Variants in BRIP1 observed in about 807,000 individuals in gnomAD.
BRIP1 encodes Fanconi anemia group J protein.
BRIP1 carries 88 observed loss-of-function variants against 119.7 expected under a neutral mutation model. The ratio of observed to expected loss-of-function variants is 0.74; its 90% CI spans 0.62 to 0.88. The LOEUF (loss-of-function observed/expected upper bound fraction) is 0.88. BRIP1 is among the 40% of genes least tolerant of loss of function. BRIP1 has a pLI of 0.00. For missense variants in BRIP1, 1,259 were observed against 1,455.4 expected (o/e 0.87, Z 2.20); for synonymous variants, 443 against 496.5 (o/e 0.89, Z 1.43).
intron 17 of BRIP1, among the ~76,000 whole-genome samples, chr17:61,702,946 T>C (rs893389155): frequency 1.8e-4 from 28 of 151,842 alleles, no homozygotes; most frequent in Non-Finnish European, 3.4e-4. Flanking sequence ...TGGTCCTTTT[T>C]CTCTGTAACC....
At position 61,827,177 on chromosome 17, in the gene BRIP1, A is replaced by T. The variant is rs2078422227; in HGVS notation, c.628-18420T>A. ...TAGCAAACTAATGCAGGAACAGAAA[A>T]CCAAATACTGCATGTTCTCACTTAT... On this transcript the variant is annotated intron_variant, in intron 6 of 19. Coordinates refer to ENST00000259008, the MANE Select transcript of BRIP1 (RefSeq NM_032043.3). The surrounding 1 kb of genome is among the most constrained non-coding windows in gnomAD (Gnocchi z 5.8). 6.6e-6 allele frequency among the ~76,000 whole-genome samples: 1 copy of T among 152,192 alleles called. No homozygotes were observed. Among genetic ancestry groups the T allele is most frequent in the Non-Finnish European group, 1.5e-5 (1 of 68,028 alleles).
At position 61,852,277 on chromosome 17, in the gene BRIP1, C is replaced by T. The variant is rs1444849521; in HGVS notation, c.380-3021G>A. ...GCAAGGGAGTTTGAAGGAAGTTCAT[C>T]AAAGGGGTAAAATCTTTAAGATACA... On this transcript the variant is annotated intron_variant, in intron 4 of 19. Transcript: ENST00000259008. The surrounding 1 kb of genome is among the most constrained non-coding windows in gnomAD (Gnocchi z 4.9). Among the ~76,000 whole-genome samples, 1 of 152,116 alleles carries T rather than the reference C, an allele frequency of 6.6e-6. No individual in the cohort carries two copies. The highest frequency in any genetic ancestry group is 1.5e-5 in the Non-Finnish European group (1 of 68,002).
At chr17:61,850,333 C>T (rs556515357) in intron 4 of BRIP1, among the ~76,000 whole-genome samples, 11 of 151,928 alleles carry the variant, frequency 7.2e-5, no homozygotes, top group South Asian at 6.2e-4. Context: ...AACTCCTGAC[C>T]TCAGGTGATC....
Position 61,758,943 on chromosome 17 carries a change from G to A in BRIP1, c.2098-14352C>T, listed in dbSNP as rs1287552749. The stretch of plus-strand genomic sequence containing the variant: ...TGATCCCTTCAACCCAGGAGTTCAA[G>A]GTTATAGTGACCTATGATCACACCC... On this transcript the variant is annotated intron_variant, in intron 14 of 19. Coordinates refer to ENST00000259008, the MANE Select transcript of BRIP1 (RefSeq NM_032043.3). This position sits in a 1 kb window ranked among gnomAD's most constrained non-coding sequence, Gnocchi z 5.3. 6.6e-6 allele frequency among the ~76,000 whole-genome samples: 1 copy of A among 151,744 alleles called. No homozygotes were observed. The highest frequency in any genetic ancestry group is 2.4e-5 in the African/African-American group (1 of 41,298).
At position 61,775,576 on chromosome 17, in the gene BRIP1, G is replaced by T. The variant is rs1322370008; in HGVS notation, c.2097+825C>A. On this transcript the variant is annotated intron_variant, in intron 14 of 19. Coordinates refer to ENST00000259008, the MANE Select transcript of BRIP1 (RefSeq NM_032043.3). This position sits in a 1 kb window ranked among gnomAD's most constrained non-coding sequence, Gnocchi z 4.4. ...GAATTATAAGTGGTTTCAATGCTTT[G>T]AATGTTAGGAGGACCAAAATATACT... Among the ~76,000 whole-genome samples the T allele has an allele frequency of 6.6e-6, 1 of 152,102 alleles. No individual in the cohort carries two copies. The highest frequency in any genetic ancestry group is 6.6e-5 in the Admixed American group (1 of 15,258).
chr17:61,707,126 G>A (rs2061701669), intron 17 of BRIP1, among the ~76,000 whole-genome samples: 1 of 151,940 alleles, frequency 6.6e-6, no homozygotes, highest in Admixed American at 6.6e-5. Context: ...TATGTTGAAG[G>A]CTTTATTTTG....
Position 61,713,590 on chromosome 17 carries a change from C to T in BRIP1, c.2492+2361G>A, listed in dbSNP as rs1313486439. Among the ~76,000 whole-genome samples the T allele has an allele frequency of 4.0e-5, 6 of 150,578 alleles. No individual in the cohort carries two copies. Among genetic ancestry groups the T allele is most frequent in the East Asian group, 3.9e-4 (2 of 5,140 alleles). On this transcript the variant is annotated intron_variant, in intron 17 of 19. Coordinates refer to ENST00000259008, the MANE Select transcript of BRIP1 (RefSeq NM_032043.3). This position sits in a 1 kb window ranked among gnomAD's most constrained non-coding sequence, Gnocchi z 4.9. The stretch of plus-strand genomic sequence containing the variant: ...AGGCTGGAGTGCAGTGGGGTGATCT[C>T]GGCTCACTGCAGCCTCCACCTCCCG...
In BRIP1 at chr17:61,776,634, A is replaced by C; in HGVS notation, c.1936-72T>G. On this transcript the variant is annotated intron_variant, in intron 13 of 19. Coordinates refer to ENST00000259008, the MANE Select transcript of BRIP1 (RefSeq NM_032043.3). The surrounding 1 kb of genome is among the most constrained non-coding windows in gnomAD (Gnocchi z 5.0). The stretch of plus-strand genomic sequence containing the variant: ...TGGAAATTAGTATTTATTTGGAAGT[A>C]TGTACATAAAAGATCAAGCAACAAG... 1 of 1,490,478 alleles carries C rather than the reference A, an allele frequency of 6.7e-7. No individual in the cohort carries two copies. Among genetic ancestry groups the C allele is most frequent in the South Asian group, 1.2e-5 (1 of 86,926 alleles). 92.3% of individuals were successfully genotyped at this position (1,490,478 alleles called of 1,614,324 possible). A position where few individuals can be genotyped will look rare whatever the true frequency, so the allele number is the denominator to read the frequency against.
rs1025160694 is a variant in BRIP1, at chr17:61,756,137, T to G, written c.2098-11546A>C. On this transcript the variant is annotated intron_variant, in intron 14 of 19. Transcript: ENST00000259008. This position sits in a 1 kb window ranked among gnomAD's most constrained non-coding sequence, Gnocchi z 4.3. ...AAAATGGCCTACAGCAAATTTTCAG[T>G]TTCAGATAACAAAATATTTAGGTCT... 1.3e-5 allele frequency among the ~76,000 whole-genome samples: 2 copies of G among 152,188 alleles called. No individual in the cohort carries two copies. Among genetic ancestry groups the G allele is most frequent in the African/African-American group, 4.8e-5 (2 of 41,448 alleles).
In BRIP1 at chr17:61,710,428, A is replaced by G. The variant is rs1303070633; in HGVS notation, c.2492+5523T>C. Among the ~76,000 whole-genome samples the G allele has an allele frequency of 3.3e-5, 5 of 152,216 alleles. 1 individual carries two copies. The highest frequency in any genetic ancestry group is 6.5e-5 in the Admixed American group (1 of 15,276). On this transcript the variant is annotated intron_variant, in intron 17 of 19. Transcript: ENST00000259008. This position sits in a 1 kb window ranked among gnomAD's most constrained non-coding sequence, Gnocchi z 5.4. ...ATTACAATACAATGAGATATGTGCT[A>G]TAATACAGATAGCAACCAAAATGCT... is the stretch of plus-strand genomic sequence containing the variant.
intron 17 of BRIP1, among the ~76,000 whole-genome samples, chr17:61,707,853 T>TA (rs2061715948): frequency 1.3e-5 from 2 of 151,978 alleles, no homozygotes; most frequent in Middle Eastern, 3.4e-3. Flanking sequence ...CTTCACATTT[T>TA]TTTTTTTTTT....
chr17:61,854,379 T>C (rs2078864264), intron 4 of BRIP1, among the ~76,000 whole-genome samples: 1 of 151,996 alleles, frequency 6.6e-6, no homozygotes. Flanking sequence ...GAATATAAAA[T>C]GGTATGACCA....
Position 61,793,566 on chromosome 17 carries a change from A to G in BRIP1, c.1473+31T>C. The G allele has an allele frequency of 6.3e-7, 1 of 1,584,830 alleles. No homozygotes were observed. On this transcript the variant is annotated intron_variant, in intron 10 of 19. Coordinates refer to ENST00000259008, the MANE Select transcript of BRIP1 (RefSeq NM_032043.3). The surrounding 1 kb of genome is among the most constrained non-coding windows in gnomAD (Gnocchi z 5.2). The stretch of plus-strand genomic sequence containing the variant: ...GACTAAATCACTTCTAATTCACTAA[A>G]TACGTTTCACAGGTAGAAAAAATAT...
In BRIP1 at chr17:61,759,063, C is replaced by G. The variant is rs1037052639; in HGVS notation, c.2098-14472G>C. Among the ~76,000 whole-genome samples the G allele has an allele frequency of 6.9e-6, 1 of 145,276 alleles. No individual in the cohort carries two copies. Among genetic ancestry groups the G allele is most frequent in the African/African-American group, 2.5e-5 (1 of 40,114 alleles). On this transcript the variant is annotated intron_variant, in intron 14 of 19. Coordinates refer to ENST00000259008, the MANE Select transcript of BRIP1 (RefSeq NM_032043.3). The surrounding 1 kb of genome is among the most constrained non-coding windows in gnomAD (Gnocchi z 4.9). ...ATAAATGGCAGTAATAACTCTTTAC[C>G]TTTCAATACCTACCTTGAATGTAAA...
chr17:61,827,664 C>G lies in BRIP1; in HGVS notation c.628-18907G>C, dbSNP rs557616026. On this transcript the variant is annotated intron_variant, in intron 6 of 19. Transcript: ENST00000259008. The surrounding 1 kb of genome is among the most constrained non-coding windows in gnomAD (Gnocchi z 5.8). ...GGACTGCTTGATCCTGGGAGGCGGA[C>G]ACTGCAGTCAGCTGAGATAGTGCCA... 6.6e-6 allele frequency among the ~76,000 whole-genome samples: 1 copy of G among 152,228 alleles called. No individual in the cohort carries two copies. Among genetic ancestry groups the G allele is most frequent in the East Asian group, 1.9e-4 (1 of 5,178 alleles).
At chr17:61,819,956 C>A (rs1460081685) in intron 6 of BRIP1, among the ~76,000 whole-genome samples, 1 of 151,502 alleles carries the variant, frequency 6.6e-6, no homozygotes, top group Non-Finnish European at 1.5e-5. Flanking sequence ...ATGATTATTA[C>A]ACATTGCATG....
Position 61,751,931 on chromosome 17 carries a change from A to T in BRIP1, c.2098-7340T>A, listed in dbSNP as rs1252170401. Among the ~76,000 whole-genome samples, 3 of 151,822 alleles carry T rather than the reference A, an allele frequency of 2.0e-5. No individual in the cohort carries two copies. Among genetic ancestry groups the T allele is most frequent in the Non-Finnish European group, 4.4e-5 (3 of 67,946 alleles). On this transcript the variant is annotated intron_variant, in intron 14 of 19. Transcript: ENST00000259008. The surrounding 1 kb of genome is among the most constrained non-coding windows in gnomAD (Gnocchi z 6.7). ...CTACAGGCGGACACCACCACACCTG[A>T]CTAATTTTTGTATTTTTAGTAGAGA...
In BRIP1 at chr17:61,802,289, T is replaced by C. The variant is rs905747537; in HGVS notation, c.919-815A>G. ...CAGCCTGGGCAATGTAGCAAAACCC[T>C]GTCTCTACAAAAAATAAAAAATTTT... On this transcript the variant is annotated intron_variant, in intron 7 of 19. Transcript: ENST00000259008. This position sits in a 1 kb window ranked among gnomAD's most constrained non-coding sequence, Gnocchi z 6.0. Among the ~76,000 whole-genome samples, 1 of 152,108 alleles carries C rather than the reference T, an allele frequency of 6.6e-6. No individual in the cohort carries two copies. Among genetic ancestry groups the C allele is most frequent in the African/African-American group, 2.4e-5 (1 of 41,426 alleles).
intron 4 of BRIP1, among the ~76,000 whole-genome samples, chr17:61,855,008 G>C (rs771734641): frequency 4.0e-5 from 6 of 151,644 alleles, no homozygotes; most frequent in Non-Finnish European, 8.8e-5. Flanking sequence ...AAAGAAGCCA[G>C]ACAAAATAAG....
Sources: allele counts gnomAD v4.1 joint callset (sites outside exome capture counted in the v4.1 genomes callset), GRCh38; gene constraint gnomAD v4.1.1; non-coding constraint Gnocchi (gnomAD v3.1); transcripts MANE v1.5; gene names NCBI Gene and HGNC (gene_info 2026-07-23, HGNC 2026-07-21).